Variants in CCDC30 observed in about 807,000 individuals in gnomAD.
The protein encoded by CCDC30 is coiled-coil domain containing 30, also known as coiled-coil domain-containing protein 30.
CCDC30 carries 70 observed loss-of-function variants against 100.2 expected under a neutral mutation model. The observed-to-expected ratio is 0.70, with a 90% CI of 0.58 to 0.85. The LOEUF is 0.85. Among genes scored for constraint, CCDC30 ranks in the 40% least tolerant of loss-of-function variants. The probability of loss-of-function intolerance (pLI) is 0.00; values close to 1 mark genes in which losing one functional copy is unlikely to be tolerated. For synonymous variants in CCDC30, 233 were observed against 269.5 expected (o/e 0.86, Z 1.33); for missense variants, 652 against 771.2 (o/e 0.85, Z 1.83).
At position 42,611,110 on chromosome 1, in the gene CCDC30, C is replaced by T. The variant is rs776384385; in HGVS notation, c.1277+20C>T. 17 of 1,419,010 alleles carry T rather than the reference C, an allele frequency of 1.2e-5. No individual in the cohort carries two copies. The highest frequency in any genetic ancestry group is 1.0e-4 in the Admixed American group (6 of 59,544). The allele number at this position is 1,419,010 out of a possible 1,614,324, so 87.9% of individuals were successfully genotyped here. On this transcript the variant is annotated intron_variant, in intron 11 of 16. Transcript: ENST00000668663. ...TGTGAGGTAAACAAAGACAAGTTCT[C>T]TTTGGAAGAAAACTATGTAGAGTAG... is the stretch of plus-strand genomic sequence containing the variant.
intron 10 of CCDC30, among the ~76,000 whole-genome samples, chr1:42,607,802 AAAG>A: frequency 1.3e-5 from 2 of 152,328 alleles, no homozygotes; most frequent in South Asian, 4.1e-4. Context: ...CATTGTATAA[AAAG>A]AAGGTCTGCA....
chr1:42,639,966 C>CAAAA (rs71065187), intron 12 of CCDC30, among the ~76,000 whole-genome samples: 1 of 121,000 alleles, frequency 8.3e-6, no homozygotes, highest in Non-Finnish European at 1.8e-5. Context: ...AACTTCGTCT[C>CAAAA]AAAAAAAAAA....
intron 7 of CCDC30, among the ~76,000 whole-genome samples, chr1:42,569,975 A>G (rs1047796290): frequency 6.6e-6 from 1 of 152,116 alleles, no homozygotes; most frequent in Admixed American, 6.5e-5. Context: ...AGGGCCTGTC[A>G]GTGGGTGGGG....
At position 42,610,962 on chromosome 1, in the gene CCDC30, T is replaced by C. The variant is rs774302928; in HGVS notation, c.1165-16T>C. 1 of 1,389,946 alleles carries C rather than the reference T, an allele frequency of 7.2e-7. No homozygotes were observed. The highest frequency in any genetic ancestry group is 1.2e-5 in the South Asian group (1 of 85,622). 86.1% of individuals were successfully genotyped at this position (1,389,946 alleles called of 1,614,324 possible). On this transcript the variant is annotated splice_polypyrimidine_tract_variant and intron_variant, in intron 10 of 16. Coordinates refer to ENST00000668663, the Ensembl canonical transcript of CCDC30. ...TTGTCAGGTCAGAGTTCTCATTATTTTTCAATGTTTTTCAGCATGTCAAAA... is the reference window on the plus strand; with the variant it reads ...TTGTCAGGTCAGAGTTCTCATTATTCTTCAATGTTTTTCAGCATGTCAAAA...
At chr1:42,644,876 T>C in intron 14 of CCDC30, 69 bp downstream of exon 18, 1 of 960,142 alleles carries the variant, frequency 1.0e-6, no homozygotes, top group Non-Finnish European at 1.7e-6. Flanking sequence ...TGCTGTGCTG[T>C]CTCTTGCCTT....
At chr1:42,506,910 C>G (rs1225753789) in intron 6 of CCDC30, among the ~76,000 whole-genome samples, 1 of 152,122 alleles carries the variant, frequency 6.6e-6, no homozygotes, top group African/African-American at 2.4e-5. Context: ...CAAAATTTAT[C>G]CTTGCATTGG....
chr1:42,539,130 T>C (rs1418159307), intron 6 of CCDC30, 43 bp from the exon 8 acceptor site: 1 of 1,406,734 alleles, frequency 7.1e-7, no homozygotes, highest in East Asian at 2.5e-5. Context: ...TGGGGGAAAA[T>C]AGTCTTATTT....
At chr1:42,502,104 C>A (rs1165797251) in intron 6 of CCDC30, among the ~76,000 whole-genome samples, 3 of 152,154 alleles carry the variant, frequency 2.0e-5, no homozygotes, top group East Asian at 3.9e-4. Context: ...GTGGGCTTCA[C>A]CCAGTTTGAG....
intron 9 of CCDC30, among the ~76,000 whole-genome samples, chr1:42,582,448 A>G (rs932163933): frequency 2.0e-5 from 3 of 152,230 alleles, no homozygotes; most frequent in Non-Finnish European, 2.9e-5. Flanking sequence ...GAAGGAGCCA[A>G]ATCAGGACTG....
chr1:42,556,516 T>G (rs112860840), intron 6 of CCDC30, 111 bp downstream of exon 10: 1 of 1,201,526 alleles, frequency 8.3e-7, no homozygotes, highest in Non-Finnish European at 1.1e-6. Flanking sequence ...TTTATTTTTT[T>G]AGGTACATAG....
chr1:42,515,015 G>A (rs1409199166), intron 6 of CCDC30, among the ~76,000 whole-genome samples: 2 of 152,150 alleles, frequency 1.3e-5, no homozygotes, highest in Non-Finnish European at 1.5e-5. Flanking sequence ...CCCAGGACCT[G>A]TAAATGTGAC....
chr1:42,548,960 G>A (rs774388814), intron 6 of CCDC30, among the ~76,000 whole-genome samples: 11 of 152,134 alleles, frequency 7.2e-5, no homozygotes, highest in Non-Finnish European at 1.5e-4. Context: ...CTCCTTTAAG[G>A]TATTAAGGTA....
intron 4 of CCDC30, among the ~76,000 whole-genome samples, chr1:42,494,356 A>C (rs1644195430): frequency 6.6e-6 from 1 of 152,212 alleles, no homozygotes; most frequent in South Asian, 2.1e-4. Flanking sequence ...AAATTAATTC[A>C]AGATGGGTTA....
intron 10 of CCDC30, among the ~76,000 whole-genome samples, chr1:42,604,124 G>A (rs190818382): frequency 1.4e-4 from 22 of 152,174 alleles, no homozygotes; most frequent in African/African-American, 5.1e-4. Flanking sequence ...TGAGGTGGGA[G>A]GATCACTTGA....
At chr1:42,494,674 C>A (rs1388824287) in intron 4 of CCDC30, among the ~76,000 whole-genome samples, 14 of 143,554 alleles carry the variant, frequency 9.8e-5, no homozygotes, top group Non-Finnish European at 2.0e-4. Flanking sequence ...AAACAAACAA[C>A]CCCATCAAAA....
At chr1:42,504,532 C>T (rs905218024) in intron 6 of CCDC30, among the ~76,000 whole-genome samples, 8 of 152,178 alleles carry the variant, frequency 5.3e-5, no homozygotes, top group Non-Finnish European at 1.0e-4. Flanking sequence ...AGTTTGATTG[C>T]TATCTGCCAT....
intron 7 of CCDC30, among the ~76,000 whole-genome samples, chr1:42,566,853 C>T (rs1021365280): frequency 7.2e-5 from 11 of 152,070 alleles, no homozygotes; most frequent in African/African-American, 2.4e-4. Flanking sequence ...AGGTACAATT[C>T]GTGGGAGAAC....
intron 1 of CCDC30, among the ~76,000 whole-genome samples, chr1:42,469,762 CTGTT>C (rs971922858): frequency 6.6e-6 from 1 of 152,052 alleles, no homozygotes; most frequent in Non-Finnish European, 1.5e-5. Context: ...AAGCAACTGA[CTGTT>C]TTATGATGAC....
chr1:42,570,233 G>A (rs1006528453), intron 7 of CCDC30, among the ~76,000 whole-genome samples: 1 of 151,988 alleles, frequency 6.6e-6, no homozygotes, highest in Admixed American at 6.6e-5. Flanking sequence ...GGCCAAGGCA[G>A]GAGGATTGCT....
Sources: gnomAD v4.1 joint callset for allele counts (sites outside exome capture counted in the v4.1 genomes callset) on GRCh38, gnomAD v4.1.1 for gene constraint, MANE v1.5 for transcripts, NCBI Gene and HGNC (gene_info 2026-07-23, HGNC 2026-07-21) for gene names.